ATP8A1: variants seen among roughly 807,000 people sequenced by gnomAD.
ATP8A1 encodes the protein phospholipid-transporting ATPase IA.
A neutral mutation model predicts 177.7 loss-of-function variants in ATP8A1; 90 were observed. The ratio of observed to expected loss-of-function variants is 0.51; its 90% CI spans 0.43 to 0.60. ATP8A1 has a LOEUF of 0.60. ATP8A1 is among the 20% of genes least tolerant of loss of function. The pLI is 0.00. For synonymous variants in ATP8A1, 493 were observed against 485.9 expected (o/e 1.01, Z -0.19); for missense variants, 1,072 against 1,392.8 (o/e 0.77, Z 3.67).
intron 5 of ATP8A1, among the ~76,000 whole-genome samples, chr4:42,611,518 G>A (rs950648903): frequency 6.6e-6 from 1 of 152,030 alleles, no homozygotes; most frequent in Non-Finnish European, 1.5e-5. Flanking sequence ...CATCGTCCAG[G>A]GAATACACCT....
chr4:42,633,044 A>G (rs374224475), intron 1 of ATP8A1, among the ~76,000 whole-genome samples: 13 of 152,346 alleles, frequency 8.5e-5, no homozygotes, highest in African/African-American at 2.9e-4. Context: ...CTTTATTGAG[A>G]TGTTTCACAG....
chr4:42,530,446 C>G (rs1727148827), intron 20 of ATP8A1, among the ~76,000 whole-genome samples: 1 of 152,252 alleles, frequency 6.6e-6, no homozygotes, highest in African/African-American at 2.4e-5. Context: ...AGACTACCAT[C>G]TGTGGACTCA....
intron 9 of ATP8A1, 47 bp from the exon 10 acceptor site, chr4:42,581,779 T>C (rs1472180106): frequency 7.2e-7 from 1 of 1,380,560 alleles, no homozygotes; most frequent in East Asian, 2.3e-5. Context: ...TCTAAAATGC[T>C]TAAGAACTCT....
At chr4:42,436,272 C>G (rs1577927718) in intron 33 of ATP8A1, among the ~76,000 whole-genome samples, 1 of 152,104 alleles carries the variant, frequency 6.6e-6, no homozygotes, top group South Asian at 2.1e-4. Context: ...TCCATTCATC[C>G]TTGCATCCTC....
rs1729610385 is a variant in ATP8A1, at chr4:42,552,545, C to T, written c.1479G>A (p.Glu493=). 6.2e-7 allele frequency: 1 copy of T among 1,613,386 alleles called. No homozygotes were observed. The highest frequency in any genetic ancestry group is 1.3e-5 in the African/African-American group (1 of 74,894). ...MMAVCHTAVP[E]REGDKIIYQA... ...GATAAATAATCTTGTCACCTTCTCGCTCTGGCACTGCTGTGTGACAGACTG... is the reference window on the plus strand; with the variant it reads ...GATAAATAATCTTGTCACCTTCTCGTTCTGGCACTGCTGTGTGACAGACTG... The change falls in exon 17 of 37, where the codon GAG becomes GAA. Residue 493 remains glutamate (E), a synonymous_variant. Coordinates refer to ENST00000381668, the MANE Select transcript of ATP8A1 (RefSeq NM_006095.2).
intron 25 of ATP8A1, among the ~76,000 whole-genome samples, chr4:42,467,850 T>C (rs867214859): frequency 8.5e-5 from 13 of 152,242 alleles, no homozygotes; most frequent in East Asian, 1.9e-4. Flanking sequence ...TTTGATGGGA[T>C]TGTTTTTTCT....
chr4:42,638,359 T>C (rs1294404263), intron 1 of ATP8A1, among the ~76,000 whole-genome samples: 2 of 152,212 alleles, frequency 1.3e-5, no homozygotes, highest in African/African-American at 2.4e-5. Flanking sequence ...TCACGCTAAA[T>C]TGCGACAAGC....
At chr4:42,597,447 TTA>T (rs1734828451) in intron 6 of ATP8A1, among the ~76,000 whole-genome samples, 2 of 152,332 alleles carry the variant, frequency 1.3e-5, no homozygotes, top group South Asian at 4.1e-4. Flanking sequence ...TGATTATATC[TTA>T]TGATACAGGA....
chr4:42,514,558 T>C (rs1725336991), intron 22 of ATP8A1, among the ~76,000 whole-genome samples: 1 of 152,188 alleles, frequency 6.6e-6, no homozygotes, highest in South Asian at 2.1e-4. Flanking sequence ...CCTCACTAAG[T>C]AGCTGAGTCT....
chr4:42,488,838 G>A (rs1578035540), intron 24 of ATP8A1, among the ~76,000 whole-genome samples: 1 of 152,178 alleles, frequency 6.6e-6, no homozygotes, highest in East Asian at 1.9e-4. Context: ...TTCTACTGCA[G>A]CAAAACCCTG....
rs190010043 is a variant in ATP8A1 at position 42,411,535 on chromosome 4, A to G, written c.*1381T>C. On this transcript the variant is annotated 3_prime_UTR_variant, in exon 37 of 37. Transcript: ENST00000381668. ...CAAATGAAAGTATTATTTAAAAAATAGTGTAGAAAACTGGTTGTGGTTTTT... is the reference window on the plus strand; with the variant it reads ...CAAATGAAAGTATTATTTAAAAAATGGTGTAGAAAACTGGTTGTGGTTTTT... 2.0e-5 allele frequency: 3 copies of G among 152,342 alleles called. No homozygotes were observed. The highest frequency in any genetic ancestry group is 6.5e-5 in the Admixed American group (1 of 15,298). 9.4% of individuals were successfully genotyped at this position (152,342 alleles called of 1,614,324 possible).
At chr4:42,533,908 T>G (rs1003558574) in intron 20 of ATP8A1, among the ~76,000 whole-genome samples, 16 of 152,004 alleles carry the variant, frequency 1.1e-4, no homozygotes, top group Non-Finnish European at 1.5e-4. Flanking sequence ...GGTGGCTAGA[T>G]CAAGAACGGA....
intron 7 of ATP8A1, 91 bp downstream of exon 7, chr4:42,590,720 C>G: frequency 8.6e-7 from 1 of 1,168,482 alleles, no homozygotes; most frequent in Non-Finnish European, 1.3e-6. Context: ...AAGGAAGAGA[C>G]ACAGAACTCA....
Position 42,473,403 on chromosome 4 carries a change from CTCTCT to C in ATP8A1, c.2325-8332_2325-8328del, listed in dbSNP as rs990900897. The stretch of plus-strand genomic sequence containing the variant: ...CCTGCATGGATCAACGCCATGCCAC[CTCTCT>C]ATTTAGGGAGCCTTGCCAATGGGAC... On this transcript the variant is annotated intron_variant, in intron 25 of 36. Coordinates refer to ENST00000381668, the MANE Select transcript of ATP8A1 (RefSeq NM_006095.2). Among the ~76,000 whole-genome samples, 123 of 152,254 alleles carry C rather than the reference CTCTCT, an allele frequency of 8.1e-4. 1 individual carries two copies. Among genetic ancestry groups the C allele is most frequent in the South Asian group, 1.7e-3 (8 of 4,818 alleles).
At chr4:42,440,796 A>T (rs141323925) in intron 33 of ATP8A1, among the ~76,000 whole-genome samples, 133 of 152,228 alleles carry the variant, frequency 8.7e-4, no homozygotes, top group Admixed American at 1.4e-3. Context: ...TCACTCTCCA[A>T]AATACCTCCT....
At chr4:42,616,392 A>C (rs1232772671) in intron 4 of ATP8A1, among the ~76,000 whole-genome samples, 1 of 152,234 alleles carries the variant, frequency 6.6e-6, no homozygotes, top group African/African-American at 2.4e-5. Context: ...AATGTACTAG[A>C]AAAGTATGAA....
rs774117730 is a variant in ATP8A1 at position 42,656,859 on chromosome 4, C to G, written c.15G>C (p.Arg5=). MPTM[R]RTVSEIRSRA... ...GCGAGCGGATCTCCGACACGGTCCT[C>G]CGCATGGTGGGCATCGCGGCGGCGG... The change falls in exon 1 of 37, where the codon CGG becomes CGC. Residue 5 remains arginine (R), a synonymous_variant. Coordinates refer to ENST00000381668, the MANE Select transcript of ATP8A1 (RefSeq NM_006095.2). 4 of 1,588,044 alleles carry G rather than the reference C, an allele frequency of 2.5e-6. No individual in the cohort carries two copies. In the South Asian group the frequency reaches 4.6e-5, roughly 18 times the overall value.
At chr4:42,560,341 C>G (rs1434138000) in intron 15 of ATP8A1, among the ~76,000 whole-genome samples, 1 of 151,966 alleles carries the variant, frequency 6.6e-6, no homozygotes, top group African/African-American at 2.4e-5. Context: ...CTTTTACACT[C>G]CTTGAATTTG....
Position 42,507,103 on chromosome 4 carries a change from C to T in ATP8A1, c.1999G>A (p.Val667Met), listed in dbSNP as rs1319451357. 2 of 1,614,018 alleles carry T rather than the reference C, an allele frequency of 1.2e-6. No individual in the cohort carries two copies. Among genetic ancestry groups the T allele is most frequent in the Non-Finnish European group, 1.7e-6 (2 of 1,179,944 alleles). ...TAIEDKLQDQ[V>M]PETIETLMKA... ...ATTAGCGTTTCTATGGTTTCAGGCACTTGATCTTGTAATTTATCCTCAATG... is the reference window on the plus strand; with the variant it reads ...ATTAGCGTTTCTATGGTTTCAGGCATTTGATCTTGTAATTTATCCTCAATG... The change falls in exon 23 of 37, where the codon GTG (valine) becomes ATG (methionine). Residue 667 changes from valine (V) to methionine (M), a missense_variant. Physicochemically the swap from Val to Met is conservative, Grantham distance 21 (BLOSUM62 1). This residue lies in a region of ATP8A1 where 388 missense variants were observed against 471.7 expected (regional missense o/e 0.82). Transcript: ENST00000381668.
Sources: allele counts gnomAD v4.1 joint callset (sites outside exome capture counted in the v4.1 genomes callset), GRCh38; gene constraint gnomAD v4.1.1; regional missense constraint gnomAD v4.1.1; transcripts MANE v1.5; gene names NCBI Gene and HGNC (gene_info 2026-07-23, HGNC 2026-07-21).